The following SMIM21 variants were observed in gnomAD, a reference collection of about 807,000 sequenced individuals.
SMIM21 encodes small integral membrane protein 21, also known as chromosome 18 open reading frame 62.
SMIM21 carries 8 observed loss-of-function variants against 8.6 expected under a neutral mutation model. That is an observed-to-expected ratio of 0.93 (90% CI 0.55 to 1.68). SMIM21 has a LOEUF of 1.68. SMIM21 is among the 40% of genes most tolerant of loss of function. The pLI, the probability that SMIM21 is intolerant of heterozygous loss-of-function variation, is 0.00. For missense variants in SMIM21, 132 were observed against 123.0 expected, an observed-to-expected ratio of 1.07 and a Z score of -0.35; for synonymous variants, 43 against 41.7, an observed-to-expected ratio of 1.03 and a Z score of -0.12.
chr18:75,422,219 G>A (rs538866011), intron 1 of SMIM21, among the ~76,000 whole-genome samples: 1 of 152,136 alleles, frequency 6.6e-6, no homozygotes, highest in African/African-American at 2.4e-5. Context: ...TGAGACAGGG[G>A]CGCACCATGG....
chr18:75,411,036 G>A, intron 2 of SMIM21, 127 bp from the exon 3 acceptor site: 1 of 1,354,924 alleles, frequency 7.4e-7, no homozygotes, highest in South Asian at 1.4e-5. Flanking sequence ...TTCCCCCCAA[G>A]ATTTTGGAGT....
chr18:75,413,383 C>T (rs1345651477), intron 2 of SMIM21, among the ~76,000 whole-genome samples: 1 of 152,180 alleles, frequency 6.6e-6, no homozygotes, highest in Non-Finnish European at 1.5e-5. Flanking sequence ...TGTGAAATTA[C>T]CTACCTGAAC....
intron 2 of SMIM21, among the ~76,000 whole-genome samples, chr18:75,413,897 A>C (rs931568815): frequency 3.3e-5 from 5 of 152,220 alleles, no homozygotes; most frequent in African/African-American, 4.8e-5. Context: ...TTAATAAATT[A>C]ATCAAATAAA....
chr18:75,418,887 G>A lies in SMIM21; in HGVS notation c.159C>T (p.Phe53=). The A allele has an allele frequency of 1.2e-6, 2 of 1,602,104 alleles. No homozygotes were observed. The highest frequency in any genetic ancestry group is 1.1e-5 in the South Asian group (1 of 90,734). ...TCACATGGAAAAGAACCAACAATGT[G>A]AAGAAACGAATATGGTGTTCATTTT... ...TFENEHHIRF[F]TLLVLFHVMV... Residue 53 remains phenylalanine, a synonymous_variant, in exon 2 of 3, where the codon TTC becomes TTT. Coordinates refer to ENST00000579022, the MANE Select transcript of SMIM21 (RefSeq NM_001037331.3).
In SMIM21 at chr18:75,427,671, CTCT is replaced by C; in HGVS notation, c.-111_-109del. 8.3e-7 allele frequency: 1 copy of C among 1,201,054 alleles called. No homozygotes were observed. 74.4% of individuals were successfully genotyped at this position (1,201,054 alleles called of 1,614,324 possible). A position where few individuals can be genotyped will look rare whatever the true frequency, so the allele number is the denominator to read the frequency against. On this transcript the variant is annotated 5_prime_UTR_variant, in exon 1 of 3. Transcript: ENST00000579022. ...GTAACTAAGTTCCCAAGGAGCTTTT[CTCT>C]TCTTTGCCAACCTTGAAGATCTGGG...
chr18:75,425,331 G>A (rs181548503), intron 1 of SMIM21, among the ~76,000 whole-genome samples: 1 of 152,162 alleles, frequency 6.6e-6, no homozygotes, highest in South Asian at 2.1e-4. Context: ...GAAATTAAAT[G>A]TGAAGATCTG....
chr18:75,419,288 A>T (rs560086122), intron 1 of SMIM21, among the ~76,000 whole-genome samples: 1 of 152,330 alleles, frequency 6.6e-6, no homozygotes, highest in African/African-American at 2.4e-5. Context: ...AAGCCCAGTG[A>T]GTTATCAAAC....
At chr18:75,411,334 A>G (rs2024582812) in intron 2 of SMIM21, among the ~76,000 whole-genome samples, 1 of 152,254 alleles carries the variant, frequency 6.6e-6, no homozygotes, top group African/African-American at 2.4e-5. Flanking sequence ...ATGTTCCCCT[A>G]AAAACCAGAA....
Position 75,410,636 on chromosome 18 carries a change from C to T in SMIM21, c.*228G>A, listed in dbSNP as rs1334254855. ...GCAGGGTTGGGTGGCATCTGCAGCT[C>T]TCCTCCGGAATATTCCTGAACAGAA... On this transcript the variant is annotated 3_prime_UTR_variant, in exon 3 of 3. Transcript: ENST00000579022. 8.1e-7 allele frequency: 1 copy of T among 1,237,732 alleles called. No homozygotes were observed. The highest frequency in any genetic ancestry group is 1.0e-6 in the Non-Finnish European group (1 of 954,510). 76.7% of individuals were successfully genotyped at this position (1,237,732 alleles called of 1,614,324 possible).
At chr18:75,413,714 A>G (rs1278861505) in intron 2 of SMIM21, among the ~76,000 whole-genome samples, 11 of 152,162 alleles carry the variant, frequency 7.2e-5, no homozygotes, top group Admixed American at 6.5e-4. Context: ...CCCAGTCTCT[A>G]GAATATGACT....
At chr18:75,413,688 C>T (rs577163056) in intron 2 of SMIM21, among the ~76,000 whole-genome samples, 5 of 152,246 alleles carry the variant, frequency 3.3e-5, no homozygotes, top group South Asian at 2.1e-4. Flanking sequence ...CCAGCCAGAC[C>T]GAACAGGTTC....
chr18:75,427,626 A>AGCTGGT lies in SMIM21; in HGVS notation c.-69_-64dup. The AGCTGGT allele has an allele frequency of 6.7e-7, 1 of 1,483,790 alleles. No homozygotes were observed. The highest frequency in any genetic ancestry group is 9.0e-7 in the Non-Finnish European group (1 of 1,115,152). 91.9% of individuals were successfully genotyped at this position (1,483,790 alleles called of 1,614,324 possible). A position where few individuals can be genotyped will look rare whatever the true frequency, so the allele number is the denominator to read the frequency against. On this transcript the variant is annotated 5_prime_UTR_variant, in exon 1 of 3. Transcript: ENST00000579022. ...GATGACAGCGACTCTGAGGACACAG[A>AGCTGGT]GCTGGTGCTATAAGACCTGGTAACT...
chr18:75,426,759 C>A (rs1261762612), intron 1 of SMIM21, among the ~76,000 whole-genome samples: 1 of 150,880 alleles, frequency 6.6e-6, no homozygotes, highest in African/African-American at 2.4e-5. Flanking sequence ...TCCATCTCCT[C>A]TTCACAGTCA....
chr18:75,426,631 TAAAAAAAAAAAAAAAAAAAAAAAAAAAAA>T (rs777676195), intron 1 of SMIM21, among the ~76,000 whole-genome samples: 2 of 89,256 alleles, frequency 2.2e-5, no homozygotes, highest in South Asian at 4.0e-4. Context: ...TTTTAAAATG[TAAAAAAAAAAAAAAAAAAAAAAAAAAAAA>T]AAAAAAAAAA....
rs764454967 is a variant in SMIM21, at chr18:75,418,766, T to C, written c.260+20A>G. 1 of 1,591,000 alleles carries C rather than the reference T, an allele frequency of 6.3e-7. No individual in the cohort carries two copies. Among genetic ancestry groups the C allele is most frequent in the East Asian group, 2.2e-5 (1 of 44,636 alleles). ...ATATGTAGTATTTTTTTTTAACTGCTAAGGTTATCGTTTACCTACTTTCGA... is the reference window on the plus strand; with the variant it reads ...ATATGTAGTATTTTTTTTTAACTGCCAAGGTTATCGTTTACCTACTTTCGA... On this transcript the variant is annotated intron_variant, in intron 2 of 2. Coordinates refer to ENST00000579022, the MANE Select transcript of SMIM21 (RefSeq NM_001037331.3).
intron 2 of SMIM21, chr18:75,412,644 G>A (rs1378699491): frequency 6.6e-6 from 1 of 152,170 alleles, no homozygotes; most frequent in South Asian, 2.1e-4. Flanking sequence ...ATGAAACATT[G>A]ACCAAATGTC....
At chr18:75,420,975 C>T (rs1050008391) in intron 1 of SMIM21, among the ~76,000 whole-genome samples, 2 of 152,128 alleles carry the variant, frequency 1.3e-5, no homozygotes, top group African/African-American at 2.4e-5. Context: ...CCATTCTTAA[C>T]GGGAATCCTA....
chr18:75,412,791 T>G (rs543200035), intron 2 of SMIM21, among the ~76,000 whole-genome samples: 95 of 152,210 alleles, frequency 6.2e-4, no homozygotes, highest in African/African-American at 2.2e-3. Context: ...GAACCCCCAC[T>G]CCTAGTAAAA....
At chr18:75,413,588 C>T (rs551194171) in intron 2 of SMIM21, among the ~76,000 whole-genome samples, 5 of 152,304 alleles carry the variant, frequency 3.3e-5, no homozygotes, top group South Asian at 2.1e-4. Context: ...TAAGGCCATT[C>T]GTGGTCTGGT....
Sources: gnomAD v4.1 joint callset for allele counts (sites outside exome capture counted in the v4.1 genomes callset) on GRCh38, gnomAD v4.1.1 for gene constraint, MANE v1.5 for transcripts, NCBI Gene and HGNC (gene_info 2026-07-23, HGNC 2026-07-21) for gene names.